KLHL5: variants seen among roughly 807,000 people sequenced by gnomAD.
KLHL5 encodes kelch like family member 5.
A neutral mutation model predicts 77.7 loss-of-function variants in KLHL5; 48 were observed. The observed-to-expected ratio is 0.62, with a 90% CI of 0.49 to 0.79. KLHL5 has a LOEUF of 0.79. Ranked by LOEUF, KLHL5 falls within the 30% of genes least tolerant of loss-of-function variation. The pLI, the probability that KLHL5 is intolerant of heterozygous loss-of-function variation, is 0.00. For missense variants in KLHL5, 723 were observed against 859.7 expected, an observed-to-expected ratio of 0.84 and a Z score of 1.99; for synonymous variants, 260 against 297.0, an observed-to-expected ratio of 0.88 and a Z score of 1.28.
At chr4:39,109,150 C>T (rs886110988) in intron 8 of KLHL5, among the ~76,000 whole-genome samples, 2 of 151,966 alleles carry the variant, frequency 1.3e-5, no homozygotes, top group Admixed American at 6.6e-5. Context: ...AGAAAGTATG[C>T]GGTTGGTTGA....
At chr4:39,130,348 T>G (rs188394336), downstream of KLHL5, among the ~76,000 whole-genome samples, 16 of 152,330 alleles carry the variant, frequency 1.1e-4, no homozygotes, top group Admixed American at 2.0e-4. Flanking sequence ...TCGCTCATGC[T>G]ATTGTTTGTG....
the KLHL5 span, among the ~76,000 whole-genome samples, chr4:39,136,313 C>T: frequency 6.6e-6 from 1 of 151,998 alleles, no homozygotes; most frequent in Non-Finnish European, 1.5e-5. Context: ...GTGCCCACCA[C>T]CAAGTCTGGC....
At chr4:39,083,145 G>T (rs1171817438) in intron 4 of KLHL5, among the ~76,000 whole-genome samples, 1 of 152,172 alleles carries the variant, frequency 6.6e-6, no homozygotes, top group Admixed American at 6.6e-5. Context: ...GATTGAGAGT[G>T]CTTTAGGAAT....
intron 5 of KLHL5, among the ~76,000 whole-genome samples, chr4:39,090,912 C>T (rs2109430892): frequency 6.6e-6 from 1 of 152,058 alleles, no homozygotes; most frequent in South Asian, 2.1e-4. Flanking sequence ...AAGAGATCCT[C>T]CCACCTCAGC....
downstream of KLHL5, among the ~76,000 whole-genome samples, chr4:39,127,486 C>G (rs1723601830): frequency 6.6e-6 from 1 of 152,054 alleles, no homozygotes; most frequent in Non-Finnish European, 1.5e-5. Context: ...CTTGCTCTGT[C>G]GCCCAGGCTG....
At chr4:39,119,967 T>A (rs1022872566) in intron 10 of KLHL5, among the ~76,000 whole-genome samples, 9 of 152,344 alleles carry the variant, frequency 5.9e-5, no homozygotes, top group African/African-American at 2.2e-4. Flanking sequence ...AAACAACTGA[T>A]TCAGATGGAG....
At chr4:39,138,859 G>A in the KLHL5 span, among the ~76,000 whole-genome samples, 4 of 152,250 alleles carry the variant, frequency 2.6e-5, 1 homozygote, top group South Asian at 8.3e-4. Flanking sequence ...TAAATTGAAA[G>A]TTTGATGAGG....
In KLHL5 at chr4:39,081,229, T is replaced by A. The variant is rs763271649; in HGVS notation, c.693T>A (p.Tyr231Ter). ...EPNSLWSLIQ[Y>*]AYTGRLELKE... ...ATTCGTTGTGGTCCTTGATCCAGTA[T>A]GCTTATACAGGTAACGAGTCTGAAA... The change falls in exon 3 of 11, where the codon TAT becomes TAA. Residue 231 changes from tyrosine (Y) to a stop codon, truncating the protein, a stop_gained. Coordinates refer to ENST00000504108, the MANE Select transcript of KLHL5 (RefSeq NM_015990.5). LOFTEE classifies it high-confidence loss of function. The surrounding 1 kb of genome is among the most constrained non-coding windows in gnomAD (Gnocchi z 4.3). 4 of 1,609,932 alleles carry A rather than the reference T, an allele frequency of 2.5e-6. No individual in the cohort carries two copies. In the Admixed American group the frequency reaches 6.8e-5, roughly 27 times the overall value.
At chr4:39,089,336 G>C (rs1036016676) in intron 5 of KLHL5, among the ~76,000 whole-genome samples, 5 of 152,154 alleles carry the variant, frequency 3.3e-5, no homozygotes, top group African/African-American at 9.7e-5. Context: ...AATATAGAAT[G>C]AAGAGCTAAT....
At chr4:39,129,156 T>C (rs1723696813), downstream of KLHL5, among the ~76,000 whole-genome samples, 1 of 146,734 alleles carries the variant, frequency 6.8e-6, no homozygotes, top group Admixed American at 6.9e-5. This position sits in a 1 kb window ranked among gnomAD's most constrained non-coding sequence, Gnocchi z 4.2. Flanking sequence ...TATTACAACA[T>C]ATTTTCTTAA....
chr4:39,085,619 A>G (rs1195157715), intron 4 of KLHL5, among the ~76,000 whole-genome samples: 1 of 152,196 alleles, frequency 6.6e-6, no homozygotes, highest in Non-Finnish European at 1.5e-5. Flanking sequence ...CCTTCTCTCC[A>G]GATTATTTAG....
intron 2 of KLHL5, among the ~76,000 whole-genome samples, chr4:39,080,683 A>G (rs1329574757): frequency 6.6e-6 from 1 of 152,066 alleles, no homozygotes; most frequent in East Asian, 1.9e-4. Flanking sequence ...AGAATATTAT[A>G]AAAGTTTAAA....
At chr4:39,080,178 T>C (rs541094889) in intron 2 of KLHL5, among the ~76,000 whole-genome samples, 2 of 152,216 alleles carry the variant, frequency 1.3e-5, no homozygotes, top group African/African-American at 4.8e-5. Context: ...AAAATCTATT[T>C]AAGTGTGTTG....
At chr4:39,062,178 A>G (rs924450931), upstream of KLHL5, 99 of 897,860 alleles carry the variant, frequency 1.1e-4, no homozygotes, top group Non-Finnish European at 1.3e-4. Context: ...TATAGAATAC[A>G]TTTATTGTTT....
intron 8 of KLHL5, among the ~76,000 whole-genome samples, chr4:39,111,808 G>C (rs115444343): frequency 6.6e-6 from 1 of 152,044 alleles, no homozygotes; most frequent in African/African-American, 2.4e-5. Flanking sequence ...ACCATATGTT[G>C]CTGTTTAAGA....
intron 1 of KLHL5, chr4:39,063,643 C>T: frequency 2.4e-6 from 1 of 420,838 alleles, no homozygotes; most frequent in Admixed American, 2.5e-5. Context: ...CTGTTACCTT[C>T]ACTTTCACTG....
At chr4:39,139,346 C>T in the KLHL5 span, among the ~76,000 whole-genome samples, 1 of 149,566 alleles carries the variant, frequency 6.7e-6, no homozygotes, top group African/African-American at 2.5e-5. Context: ...CTTGCCTAAA[C>T]TATGGAGACA....
intron 7 of KLHL5, among the ~76,000 whole-genome samples, chr4:39,104,692 G>A (rs1254334551): frequency 6.6e-6 from 1 of 151,970 alleles, no homozygotes; most frequent in Non-Finnish European, 1.5e-5. Context: ...AAATTTTTGT[G>A]TCATTCAAAG....
In KLHL5 at chr4:39,115,261, G is replaced by T; in HGVS notation, c.2004G>T (p.Gly668=). Residue 668 remains glycine (G), a synonymous_variant, in exon 10 of 11, where the codon GGG becomes GGT. Coordinates refer to ENST00000504108, the MANE Select transcript of KLHL5 (RefSeq NM_015990.5). ...CLLGDKLYAV[G]GYDGQAYLNT... is the part of the protein sequence containing the mutation. ...TTGGTGATAAGTTATATGCTGTTGG[G>T]GGGTATGATGGACAGGCATACCTTA... 1 of 1,614,040 alleles carries T rather than the reference G, an allele frequency of 6.2e-7. No individual in the cohort carries two copies. The highest frequency in any genetic ancestry group is 1.1e-5 in the South Asian group (1 of 91,072).
Sources: gnomAD v4.1 joint callset for allele counts (sites outside exome capture counted in the v4.1 genomes callset) on GRCh38, gnomAD v4.1.1 for gene constraint, Gnocchi (gnomAD v3.1) non-coding constraint, MANE v1.5 for transcripts, NCBI Gene and HGNC (gene_info 2026-07-23, HGNC 2026-07-21) for gene names.